The following TYW1B variants were observed in gnomAD, a reference collection of about 807,000 sequenced individuals.
TYW1B encodes S-adenosyl-L-methionine-dependent tRNA 4-demethylwyosine synthase TYW1B.
In TYW1B, 73 loss-of-function variants were observed where a neutral mutation model predicts 86.9. That is an observed-to-expected ratio of 0.84 (90% CI 0.70 to 1.02). The LOEUF is 1.02. TYW1B is among the 50% of genes least tolerant of loss of function. The probability of loss-of-function intolerance (pLI) is 0.00; values close to 1 mark genes in which losing one functional copy is unlikely to be tolerated. For synonymous variants in TYW1B, 248 were observed against 292.8 expected (o/e 0.85, Z 1.56); for missense variants, 637 against 827.4 (o/e 0.77, Z 2.82).
intron 11 of TYW1B, among the ~76,000 whole-genome samples, chr7:72,676,956 T>A (rs1209088759): frequency 6.6e-6 from 1 of 151,168 alleles, no homozygotes; most frequent in East Asian, 1.9e-4. Flanking sequence ...AGAGACTGTC[T>A]CAAAAAAAAA....
At chr7:72,694,313 TG>T (rs1814253933) in intron 11 of TYW1B, among the ~76,000 whole-genome samples, 1 of 152,148 alleles carries the variant, frequency 6.6e-6, no homozygotes, top group Admixed American at 6.6e-5. Context: ...TTGGTACCCA[TG>T]GGGAGTCCTA....
intron 7 of TYW1B, among the ~76,000 whole-genome samples, chr7:72,771,378 G>T (rs1338640247): frequency 3.9e-5 from 6 of 152,294 alleles, no homozygotes; most frequent in African/African-American, 9.6e-5. Flanking sequence ...TCATTGGGGT[G>T]GGGATAATAA....
chr7:72,766,269 T>C (rs1417813404), intron 7 of TYW1B, among the ~76,000 whole-genome samples: 2 of 152,226 alleles, frequency 1.3e-5, no homozygotes, highest in Non-Finnish European at 2.9e-5. Flanking sequence ...CTCAAAGCCA[T>C]TATGCAAACT....
At chr7:72,627,654 CA>C (rs1812381243) in intron 12 of TYW1B, among the ~76,000 whole-genome samples, 1 of 151,942 alleles carries the variant, frequency 6.6e-6, no homozygotes, top group African/African-American at 2.4e-5. Flanking sequence ...GAAACATTTG[CA>C]AAAATGTGAG....
chr7:72,753,618 T>C (rs540908747), intron 7 of TYW1B, among the ~76,000 whole-genome samples: 13 of 151,808 alleles, frequency 8.6e-5, no homozygotes, highest in Non-Finnish European at 1.5e-4. Flanking sequence ...GTAGCTGGGA[T>C]TACAGGTGTG....
intron 11 of TYW1B, among the ~76,000 whole-genome samples, chr7:72,679,704 A>T (rs1278416278): frequency 3.0e-4 from 45 of 152,266 alleles, no homozygotes; most frequent in Admixed American, 1.8e-3. Context: ...TTTTATTTTT[A>T]AAAAAATGGT....
At chr7:72,672,852 T>C (rs1172333735) in intron 11 of TYW1B, among the ~76,000 whole-genome samples, 1 of 152,210 alleles carries the variant, frequency 6.6e-6, no homozygotes, top group Non-Finnish European at 1.5e-5. Flanking sequence ...CTTGCTCTAT[T>C]TTAGAAACTC....
chr7:72,597,586 C>T (rs1384852227), intron 13 of TYW1B, among the ~76,000 whole-genome samples: 3 of 151,650 alleles, frequency 2.0e-5, no homozygotes, highest in African/African-American at 7.3e-5. Flanking sequence ...CCTGAACGCA[C>T]CCGATCTCGG....
chr7:72,649,808 C>T (rs1813017183), intron 11 of TYW1B, among the ~76,000 whole-genome samples: 1 of 152,264 alleles, frequency 6.6e-6, no homozygotes, highest in East Asian at 1.9e-4. Context: ...TACAAGTTCC[C>T]AAAGTCCCAA....
At chr7:72,581,069 G>T (rs1246605502) in intron 13 of TYW1B, among the ~76,000 whole-genome samples, 6 of 99,066 alleles carry the variant, frequency 6.1e-5, no homozygotes, top group Admixed American at 3.8e-4. Context: ...AAAACCCAAA[G>T]GCAGGTTTAT....
At chr7:72,622,742 AC>A (rs1812254114) in intron 12 of TYW1B, among the ~76,000 whole-genome samples, 1 of 151,912 alleles carries the variant, frequency 6.6e-6, no homozygotes, top group African/African-American at 2.4e-5. Context: ...CACACATACA[AC>A]ACACACAAGT....
At chr7:72,824,319 G>A (rs1467880591) in intron 2 of TYW1B, among the ~76,000 whole-genome samples, 20 of 152,116 alleles carry the variant, frequency 1.3e-4, no homozygotes, top group Non-Finnish European at 1.5e-5. Flanking sequence ...CCTGTGACCT[G>A]GCTAGGCCTG....
intron 10 of TYW1B, among the ~76,000 whole-genome samples, chr7:72,707,942 C>T (rs1814651532): frequency 6.6e-6 from 1 of 152,186 alleles, no homozygotes; most frequent in Non-Finnish European, 1.5e-5. Context: ...TTCCCTTCCC[C>T]CTTCATTCTC....
intron 11 of TYW1B, among the ~76,000 whole-genome samples, chr7:72,644,402 G>A (rs563542545): frequency 6.6e-6 from 1 of 152,072 alleles, no homozygotes; most frequent in African/African-American, 2.4e-5. Flanking sequence ...ACAAAAATGA[G>A]CTGGGCGTGG....
intron 10 of TYW1B, among the ~76,000 whole-genome samples, chr7:72,712,383 C>T (rs1265850151): frequency 6.6e-6 from 1 of 152,116 alleles, no homozygotes; most frequent in African/African-American, 2.4e-5. Context: ...GGCTGGAGTG[C>T]AATGGTGCGA....
At chr7:72,722,808 T>C (rs1485146809) in intron 9 of TYW1B, 3 of 455,364 alleles carry the variant, frequency 6.6e-6, no homozygotes, top group African/African-American at 2.1e-5. Flanking sequence ...CAGGCGTTCT[T>C]TGTCATGGGG....
At chr7:72,610,947 A>C (rs1423800548) in intron 13 of TYW1B, among the ~76,000 whole-genome samples, 1 of 152,188 alleles carries the variant, frequency 6.6e-6, no homozygotes, top group Non-Finnish European at 1.5e-5. Flanking sequence ...AATGACATTT[A>C]GGATGCCATT....
At chr7:72,665,399 G>T (rs1391109510) in intron 11 of TYW1B, among the ~76,000 whole-genome samples, 3 of 152,102 alleles carry the variant, frequency 2.0e-5, no homozygotes, top group Non-Finnish European at 4.4e-5. Flanking sequence ...ATCAACCTCT[G>T]GTTCACCTAC....
intron 7 of TYW1B, among the ~76,000 whole-genome samples, chr7:72,750,923 G>A (rs1417923942): frequency 6.6e-6 from 1 of 152,044 alleles, no homozygotes; most frequent in African/African-American, 2.4e-5. Context: ...AAGCATTTCT[G>A]ACTTCAGATG....
Sources: allele counts gnomAD v4.1 joint callset (sites outside exome capture counted in the v4.1 genomes callset), GRCh38; gene constraint gnomAD v4.1.1; transcripts MANE v1.5; gene names NCBI Gene and HGNC (gene_info 2026-07-23, HGNC 2026-07-21).